LOC128125817: variants seen among roughly 807,000 people sequenced by gnomAD.
At chr1:41,621,980 G>A in the LOC128125817 span, among the ~76,000 whole-genome samples, 1 of 152,192 alleles carries the variant, frequency 6.6e-6, no homozygotes, top group East Asian at 1.9e-4. Context: ...CAAACACACA[G>A]ACCATCATCA....
chr1:41,628,482 G>C, the LOC128125817 span, among the ~76,000 whole-genome samples: 1 of 152,318 alleles, frequency 6.6e-6, no homozygotes, highest in East Asian at 1.9e-4. Flanking sequence ...GGACAGAATG[G>C]AAACTGAGGT....
chr1:41,590,927 G>T, the LOC128125817 span, among the ~76,000 whole-genome samples: 1 of 152,104 alleles, frequency 6.6e-6, no homozygotes, highest in Non-Finnish European at 1.5e-5. Flanking sequence ...CTAACTGATG[G>T]TCCCCTAATC....
At chr1:41,612,089 A>C in the LOC128125817 span, among the ~76,000 whole-genome samples, 64 of 113,504 alleles carry the variant, frequency 5.6e-4, no homozygotes, top group South Asian at 9.7e-4. Context: ...TCCTCCTCCC[A>C]CTCCCACCCA....
At chr1:41,623,022 C>T in the LOC128125817 span, among the ~76,000 whole-genome samples, 20 of 152,212 alleles carry the variant, frequency 1.3e-4, no homozygotes, top group Non-Finnish European at 2.5e-4. Flanking sequence ...GGTCACGCAG[C>T]CAGTATGAGA....
At chr1:41,598,670 A>C in the LOC128125817 span, among the ~76,000 whole-genome samples, 16 of 152,358 alleles carry the variant, frequency 1.1e-4, no homozygotes, top group East Asian at 2.7e-3. Flanking sequence ...GTAAGATGAA[A>C]ACAGACATAA....
the LOC128125817 span, among the ~76,000 whole-genome samples, chr1:41,604,780 G>A: frequency 1.3e-5 from 2 of 152,088 alleles, no homozygotes; most frequent in African/African-American, 4.8e-5. Flanking sequence ...AAAGTTAAAG[G>A]ATAGGCGAAA....
chr1:41,602,902 G>A, the LOC128125817 span, among the ~76,000 whole-genome samples: 2 of 151,770 alleles, frequency 1.3e-5, no homozygotes, highest in African/African-American at 4.8e-5. Flanking sequence ...ATAAGTTTTG[G>A]TATGTTGTGT....
the LOC128125817 span, among the ~76,000 whole-genome samples, chr1:41,625,430 T>C: frequency 6.6e-6 from 1 of 152,184 alleles, no homozygotes; most frequent in South Asian, 2.1e-4. Context: ...CTTTACCGAA[T>C]CAGGCAGCAG....
At chr1:41,613,701 C>G in the LOC128125817 span, among the ~76,000 whole-genome samples, 1 of 152,176 alleles carries the variant, frequency 6.6e-6, no homozygotes, top group Non-Finnish European at 1.5e-5. Flanking sequence ...TATTGAGATA[C>G]AATTCACATA....
At chr1:41,598,806 G>GTTATTTAT in the LOC128125817 span, among the ~76,000 whole-genome samples, 12,560 of 146,990 alleles carry the variant, frequency 0.085, 1,116 homozygotes, top group African/African-American at 0.22. Context: ...GTCACATGAT[G>GTTATTTAT]TTATTTATTT....
chr1:41,600,820 A>G, the LOC128125817 span, among the ~76,000 whole-genome samples: 14,224 of 152,194 alleles, frequency 0.093, 724 homozygotes, highest in Middle Eastern at 0.18. Context: ...TTTATGTCAT[A>G]AAGTTTTCTC....
the LOC128125817 span, among the ~76,000 whole-genome samples, chr1:41,622,931 G>C: frequency 6.6e-6 from 1 of 152,350 alleles, no homozygotes; most frequent in Non-Finnish European, 1.5e-5. Flanking sequence ...CATTTAATCT[G>C]CAGAGTAACT....
the LOC128125817 span, among the ~76,000 whole-genome samples, chr1:41,626,054 A>T: frequency 6.6e-6 from 1 of 152,224 alleles, no homozygotes. Context: ...TTCAGAAAGC[A>T]CATTTATTCT....
the LOC128125817 span, among the ~76,000 whole-genome samples, chr1:41,620,818 G>A: frequency 6.6e-6 from 1 of 152,138 alleles, no homozygotes; most frequent in African/African-American, 2.4e-5. Flanking sequence ...TTTCCTTCAA[G>A]CAAACAGAAA....
At chr1:41,623,661 G>A in the LOC128125817 span, among the ~76,000 whole-genome samples, 2 of 152,158 alleles carry the variant, frequency 1.3e-5, no homozygotes, top group African/African-American at 2.4e-5. Context: ...TCCTGGGTCT[G>A]TGGGCTTTGC....
At chr1:41,613,445 C>T in the LOC128125817 span, among the ~76,000 whole-genome samples, 6 of 152,182 alleles carry the variant, frequency 3.9e-5, no homozygotes, top group African/African-American at 1.2e-4. Flanking sequence ...ATTTTAAACA[C>T]CTTCATGTTC....
chr1:41,623,307 G>C, the LOC128125817 span, among the ~76,000 whole-genome samples: 1 of 152,182 alleles, frequency 6.6e-6, no homozygotes, highest in African/African-American at 2.4e-5. Flanking sequence ...CAGAAACAAG[G>C]CTGCCCCTCT....
the LOC128125817 span, among the ~76,000 whole-genome samples, chr1:41,613,245 C>T: frequency 1.3e-5 from 2 of 152,260 alleles, no homozygotes; most frequent in South Asian, 2.1e-4. Context: ...AACAGGAACA[C>T]ACCCCTGCCT....
At chr1:41,623,111 C>G in the LOC128125817 span, among the ~76,000 whole-genome samples, 2 of 152,184 alleles carry the variant, frequency 1.3e-5, no homozygotes, top group Admixed American at 6.5e-5. Context: ...CAGTGTCAAG[C>G]ATGTTTTTGG....
Sources: allele counts gnomAD v4.1 joint callset (sites outside exome capture counted in the v4.1 genomes callset), GRCh38; gene constraint gnomAD v4.1.1; transcripts MANE v1.5.